The following TNRC6B variants were observed in gnomAD, a reference collection of about 807,000 sequenced individuals.
The protein encoded by TNRC6B is trinucleotide repeat containing adaptor 6B.
A neutral mutation model predicts 203.6 loss-of-function variants in TNRC6B; 52 were observed. The observed-to-expected ratio is 0.26, with a 90% confidence interval of 0.20 to 0.32. The LOEUF (loss-of-function observed/expected upper bound fraction) is 0.32, where lower values mean the gene tolerates loss of function less well. Among genes scored for constraint, TNRC6B ranks in the 10% least tolerant of loss-of-function variants. The pLI is 1.00. For synonymous variants in TNRC6B, 838 were observed against 845.7 expected (o/e 0.99, Z 0.16); for missense variants, 1,923 against 2,286.2 (o/e 0.84, Z 3.24).
Position 40,165,474 on chromosome 22 carries a change from T to A in TNRC6B, c.113+9292T>A, listed in dbSNP as rs941153809. ...TACAGGCATGAGCCACCATGCCCAG[T>A]CATCAACTTTAGATTCAGTCCTTTC... On this transcript the variant is annotated intron_variant, in intron 4 of 23. Coordinates refer to the TNRC6B transcript ENST00000301923. Among the ~76,000 whole-genome samples the A allele has an allele frequency of 2.0e-5, 3 of 152,098 alleles. No homozygotes were observed. The East Asian group carries it at 5.8e-4, about 29-fold the overall frequency.
chr22:40,199,230 G>A (rs1054952034), intron 1 of TNRC6B, among the ~76,000 whole-genome samples: 2 of 152,034 alleles, frequency 1.3e-5, no homozygotes, highest in African/African-American at 2.4e-5. Context: ...ACCTATGTAC[G>A]GACTTATCAG....
At chr22:40,060,082 A>C in intron 1 of TNRC6B, among the ~76,000 whole-genome samples, 2 of 138,804 alleles carry the variant, frequency 1.4e-5, no homozygotes, top group Admixed American at 7.5e-5. Context: ...ACCCGCCTCG[A>C]CCTCCCAAAA....
chr22:40,137,996 A>C (rs866361167), intron 3 of TNRC6B, among the ~76,000 whole-genome samples: 1 of 151,746 alleles, frequency 6.6e-6, no homozygotes, highest in Admixed American at 6.6e-5. Flanking sequence ...AAAAAAAAAA[A>C]AAAGAATGAC....
At chr22:40,195,914 C>T (rs1182058337) in intron 1 of TNRC6B, among the ~76,000 whole-genome samples, 7 of 152,098 alleles carry the variant, frequency 4.6e-5, no homozygotes, top group East Asian at 1.9e-4. Flanking sequence ...GGACTACAGG[C>T]GCCCGCCACC....
chr22:40,261,324 A>G (rs1244661201), intron 3 of TNRC6B, among the ~76,000 whole-genome samples: 2 of 152,056 alleles, frequency 1.3e-5, no homozygotes, highest in African/African-American at 4.8e-5. Flanking sequence ...CATGCCTGTA[A>G]TCTCAACACT....
At chr22:40,174,638 T>A (rs1213879280), upstream of TNRC6B, among the ~76,000 whole-genome samples, 1 of 151,850 alleles carries the variant, frequency 6.6e-6, no homozygotes, top group African/African-American at 2.4e-5. Flanking sequence ...CACGAGGTGA[T>A]TTAGTGAAAC....
chr22:40,077,646 C>T lies in TNRC6B; in HGVS notation c.-121+32648C>T, dbSNP rs534972854. On this transcript the variant is annotated intron_variant, in intron 1 of 23. Transcript: ENST00000301923. ...AATACAGGTATCTTTAAAAAAAACC[C>T]TTTATTACACAAGTAATAAATATTT... 3.3e-5 allele frequency among the ~76,000 whole-genome samples: 5 copies of T among 152,226 alleles called. No homozygotes were observed. In the South Asian group the frequency reaches 1.0e-3, roughly 32 times the overall value.
chr22:40,117,005 G>T, intron 1 of TNRC6B: 1 of 152,584 alleles, frequency 6.6e-6, no homozygotes. Flanking sequence ...TGTTTCATGT[G>T]GCATCTTGCT....
intron 1 of TNRC6B, among the ~76,000 whole-genome samples, chr22:40,241,000 G>T (rs1347662850): frequency 6.6e-6 from 1 of 152,130 alleles, no homozygotes; most frequent in African/African-American, 2.4e-5. Context: ...AGAATTTAGA[G>T]CAGTTTCTCA....
upstream of TNRC6B, among the ~76,000 whole-genome samples, chr22:40,176,024 A>G (rs1383827940): frequency 6.6e-6 from 1 of 152,016 alleles, no homozygotes; most frequent in African/African-American, 2.4e-5. Context: ...GCTGGCTGGC[A>G]TGGCAGCCTA....
chr22:40,216,669 A>T (rs2069639557), intron 1 of TNRC6B, among the ~76,000 whole-genome samples: 1 of 152,146 alleles, frequency 6.6e-6, no homozygotes, highest in African/African-American at 2.4e-5. Context: ...GTTCTTTCTA[A>T]TTTTTTAGAA....
rs58632540 is a variant in TNRC6B, at chr22:40,123,894, C to CTT, written c.-46-1862_-46-1861dup. On this transcript the variant is annotated intron_variant, in intron 2 of 23. Transcript: ENST00000301923. ...CAACCTAATTTTTATAGAAAGAGAACTTTTTTTTTTTTTTTTTGCACAACT... is the reference window on the plus strand; with the variant it reads ...CAACCTAATTTTTATAGAAAGAGAACTTTTTTTTTTTTTTTTTTTGCACAACT... Among the ~76,000 whole-genome samples the CTT allele has an allele frequency of 2.2e-3, 293 of 135,886 alleles. 2 individuals carry two copies. Among genetic ancestry groups the CTT allele is most frequent in the South Asian group, 0.017 (74 of 4,234 alleles). The allele number at this position is 135,886 out of a possible 152,430, so 89.1% of individuals were successfully genotyped here.
At chr22:40,317,329 C>T (rs570654987) in intron 21 of TNRC6B, among the ~76,000 whole-genome samples, 2 of 152,302 alleles carry the variant, frequency 1.3e-5, no homozygotes, top group South Asian at 4.1e-4. Flanking sequence ...CCTGTAATCC[C>T]AGCACTTTGG....
chr22:40,211,689 G>C (rs1033607874), intron 1 of TNRC6B, among the ~76,000 whole-genome samples: 15 of 152,108 alleles, frequency 9.9e-5, no homozygotes, highest in African/African-American at 2.4e-4. Context: ...TGTCCTTAGA[G>C]CCAGCCGTCC....
chr22:40,261,682 G>C, intron 3 of TNRC6B, 150 bp from the exon 4 acceptor site: 1 of 559,378 alleles, frequency 1.8e-6, no homozygotes, highest in Non-Finnish European at 2.8e-6. Context: ...AAGCCAAGGT[G>C]GGAGAGTCCC....
chr22:40,289,786 C>T (rs2070843850), intron 12 of TNRC6B, among the ~76,000 whole-genome samples: 1 of 152,098 alleles, frequency 6.6e-6, no homozygotes, highest in Non-Finnish European at 1.5e-5. Flanking sequence ...ATCATTTTTC[C>T]TCAACTCCAC....
chr22:40,073,153 T>G (rs967350121), intron 1 of TNRC6B, among the ~76,000 whole-genome samples: 4 of 150,754 alleles, frequency 2.7e-5, no homozygotes, highest in African/African-American at 4.9e-5. Flanking sequence ...TTTTTTTTTT[T>G]TTTTTTTTTT....
chr22:40,293,625 G>A (rs905171653), intron 12 of TNRC6B, among the ~76,000 whole-genome samples: 2 of 151,782 alleles, frequency 1.3e-5, no homozygotes, highest in South Asian at 2.1e-4. Context: ...GGGGGCGGAG[G>A]GGGGTAGGGG....
Position 40,122,730 on chromosome 22 carries a change from G to A in TNRC6B, c.-46-3042G>A, listed in dbSNP as rs867244857. Among the ~76,000 whole-genome samples the A allele has an allele frequency of 4.6e-5, 7 of 152,268 alleles. No individual in the cohort carries two copies. The Middle Eastern group carries it at 0.01, about 222-fold the overall frequency. ...AGGGAAATGGAGATCACTGGGGATC[G>A]GACCCTGAAAGAATAAGAATTCAGA... On this transcript the variant is annotated intron_variant, in intron 2 of 23. Coordinates refer to the TNRC6B transcript ENST00000301923.
Sources: allele counts gnomAD v4.1 joint callset (sites outside exome capture counted in the v4.1 genomes callset), GRCh38; gene constraint gnomAD v4.1.1; transcripts MANE v1.5; gene names NCBI Gene and HGNC (gene_info 2026-07-23, HGNC 2026-07-21).